Variants in COL6A5 observed in about 807,000 individuals in gnomAD.
The protein encoded by COL6A5 is collagen type VI alpha 5 chain, also known as collagen alpha-5(VI) chain.
In COL6A5, 48 loss-of-function variants were observed where a neutral mutation model predicts 65.6. That is an observed-to-expected ratio of 0.73 (90% confidence interval 0.58 to 0.93). The LOEUF is 0.93. Among genes scored for constraint, COL6A5 ranks in the 40% least tolerant of loss-of-function variants. COL6A5 has a pLI of 0.00. For missense variants in COL6A5, 914 were observed against 928.3 expected, an observed-to-expected ratio of 0.98 and a Z score of 0.20; for synonymous variants, 291 against 322.8, an observed-to-expected ratio of 0.90 and a Z score of 1.05.
At chr3:130,355,681 A>C (rs887459395) in intron 1 of COL6A5, among the ~76,000 whole-genome samples, 1 of 152,066 alleles carries the variant, frequency 6.6e-6, no homozygotes, top group Non-Finnish European at 1.5e-5. Context: ...GGGAAATAGA[A>C]AATGAATGGA....
intron 4 of COL6A5, among the ~76,000 whole-genome samples, chr3:130,383,455 A>C (rs1936075962): frequency 6.6e-6 from 1 of 151,964 alleles, no homozygotes; most frequent in Admixed American, 6.6e-5. Context: ...TGAACATTTA[A>C]TTCTTCTTTA....
At chr3:130,446,159 C>T (rs898325068) in intron 4 of COL6A5, among the ~76,000 whole-genome samples, 2 of 152,078 alleles carry the variant, frequency 1.3e-5, no homozygotes, top group Non-Finnish European at 2.9e-5. Flanking sequence ...ATTTATAACC[C>T]ATGGTAACAT....
At chr3:130,422,678 C>A (rs762509426) in intron 27 of COL6A5, 42 bp from the exon 28 acceptor site, 14 of 1,265,898 alleles carry the variant, frequency 1.1e-5, no homozygotes, top group South Asian at 4.1e-5. Context: ...TCTTTCATAG[C>A]AAATACTTTA....
intron 4 of COL6A5, among the ~76,000 whole-genome samples, chr3:130,452,412 G>C (rs1709465001): frequency 6.6e-6 from 1 of 152,178 alleles, no homozygotes; most frequent in Non-Finnish European, 1.5e-5. Context: ...TAAAGGGACA[G>C]AGTACAAAAG....
At chr3:130,468,191 C>T (rs1480956130) in intron 5 of COL6A5, among the ~76,000 whole-genome samples, 1 of 152,000 alleles carries the variant, frequency 6.6e-6, no homozygotes, top group Non-Finnish European at 1.5e-5. Flanking sequence ...GTGCAAACTG[C>T]TTACCTTAAA....
At chr3:130,440,085 A>G (rs1709137159) in intron 2 of COL6A5, 81 bp from the exon 35 acceptor site, 3 of 1,071,930 alleles carry the variant, frequency 2.8e-6, no homozygotes, top group Non-Finnish European at 4.0e-6. Context: ...GTAATTAGTC[A>G]CTGAGTCACT....
chr3:130,477,414 T>G (rs1230115200), intron 7 of COL6A5: 3 of 198,922 alleles, frequency 1.5e-5, no homozygotes, highest in Admixed American at 1.2e-4. Flanking sequence ...TGTCCATTTG[T>G]TTGAAATTTT....
chr3:130,416,892 AT>A, intron 24 of COL6A5, 73 bp downstream of exon 24: 1 of 824,828 alleles, frequency 1.2e-6, no homozygotes, highest in Non-Finnish European at 1.9e-6. Context: ...ATAATTGCAT[AT>A]TTTTATGAGG....
intron 24 of COL6A5, among the ~76,000 whole-genome samples, chr3:130,418,606 G>A (rs1937427031): frequency 6.6e-6 from 1 of 152,040 alleles, no homozygotes; most frequent in African/African-American, 2.4e-5. Flanking sequence ...AACTTTCCCT[G>A]GAGTCAATTT....
chr3:130,468,833 A>G (rs968428054), exon 6 of COL6A5: 1 of 1,610,844 alleles, frequency 6.2e-7, no homozygotes, highest in African/African-American at 1.3e-5. Context: ...ACCAGATCAT[A>G]CTTATGAACC....
chr3:130,450,309 GT>G (rs1266770071), intron 4 of COL6A5, among the ~76,000 whole-genome samples: 2 of 152,096 alleles, frequency 1.3e-5, no homozygotes, highest in African/African-American at 4.8e-5. Context: ...TTTGCCCAAT[GT>G]TTACCTTTGC....
At chr3:130,362,618 C>A (rs78570021) in intron 1 of COL6A5, among the ~76,000 whole-genome samples, 1 of 152,036 alleles carries the variant, frequency 6.6e-6, no homozygotes, top group Non-Finnish European at 1.5e-5. Context: ...TATTCTGAGT[C>A]TTTTGCCTCT....
chr3:130,438,583 A>G (rs1709094762), intron 1 of COL6A5, among the ~76,000 whole-genome samples: 1 of 152,220 alleles, frequency 6.6e-6, no homozygotes, highest in Admixed American at 6.5e-5. Context: ...AATAGTTTCT[A>G]AACATATGGC....
chr3:130,475,037 GAAAA>G (rs1710059502), intron 7 of COL6A5, among the ~76,000 whole-genome samples: 2 of 44,794 alleles, frequency 4.5e-5, no homozygotes, highest in Non-Finnish European at 1.3e-4. Context: ...AAAAGGAAAA[GAAAA>G]GAAAAGAAAA....
intron 5 of COL6A5, among the ~76,000 whole-genome samples, chr3:130,460,434 T>C (rs1212750216): frequency 1.3e-5 from 2 of 152,116 alleles, no homozygotes; most frequent in Non-Finnish European, 2.9e-5. Flanking sequence ...GAATGTAAAC[T>C]GGGGGTTCAG....
At chr3:130,467,878 A>G (rs181573622) in intron 5 of COL6A5, among the ~76,000 whole-genome samples, 1 of 152,102 alleles carries the variant, frequency 6.6e-6, no homozygotes, top group African/African-American at 2.4e-5. Flanking sequence ...TCACAAATTC[A>G]CTTCTTTCAT....
intron 1 of COL6A5, among the ~76,000 whole-genome samples, chr3:130,361,126 G>T (rs1323508093): frequency 6.6e-6 from 1 of 151,962 alleles, no homozygotes; most frequent in Non-Finnish European, 1.5e-5. Context: ...TTATGTTAGG[G>T]TTCACTCTTG....
chr3:130,479,288 T>C (rs750856641), intron 7 of COL6A5, among the ~76,000 whole-genome samples: 1 of 152,072 alleles, frequency 6.6e-6, no homozygotes, highest in Non-Finnish European at 1.5e-5. Context: ...GCCAGTGCAT[T>C]GATCATAAGC....
chr3:130,443,982 T>A (rs1007448843), intron 4 of COL6A5, among the ~76,000 whole-genome samples: 2 of 152,180 alleles, frequency 1.3e-5, no homozygotes, highest in African/African-American at 4.8e-5. Context: ...CCTAGGCATC[T>A]TTCATGACCC....
Sources: allele counts gnomAD v4.1 joint callset (sites outside exome capture counted in the v4.1 genomes callset), GRCh38; gene constraint gnomAD v4.1.1; transcripts MANE v1.5; gene names NCBI Gene and HGNC (gene_info 2026-07-23, HGNC 2026-07-21).